The following SPTBN1 variants were observed in gnomAD, a reference collection of about 807,000 sequenced individuals.
The protein encoded by SPTBN1 is spectrin beta, non-erythrocytic 1.
A neutral mutation model predicts 266.4 loss-of-function variants in SPTBN1; 32 were observed. That is an observed-to-expected ratio of 0.12 (90% CI 0.09 to 0.16). The LOEUF is 0.16. Among genes scored for constraint, SPTBN1 ranks in the 10% least tolerant of loss-of-function variants. SPTBN1 has a pLI of 1.00. For synonymous variants in SPTBN1, 1,336 were observed against 1,162.2 expected (o/e 1.15, Z -3.04); for missense variants, 2,296 against 3,067.1 (o/e 0.75, Z 5.94).
At chr2:54,582,462 G>A (rs1401700837) in intron 2 of SPTBN1, among the ~76,000 whole-genome samples, 3 of 151,770 alleles carry the variant, frequency 2.0e-5, no homozygotes, top group Non-Finnish European at 2.9e-5. Flanking sequence ...TACTCTGGAG[G>A]CTGAGGCAGG....
At chr2:54,459,335 C>T (rs1049614564) in intron 1 of SPTBN1, among the ~76,000 whole-genome samples, 1 of 152,202 alleles carries the variant, frequency 6.6e-6, no homozygotes, top group African/African-American at 2.4e-5. Context: ...TGTTGCAGAG[C>T]AAATGAGAAG....
chr2:54,578,075 A>G (rs1476069589), intron 2 of SPTBN1, among the ~76,000 whole-genome samples: 1 of 152,224 alleles, frequency 6.6e-6, no homozygotes, highest in Non-Finnish European at 1.5e-5. Flanking sequence ...GACTCAGCTG[A>G]CAGTACAGAC....
intron 1 of SPTBN1, among the ~76,000 whole-genome samples, chr2:54,496,439 TAAAA>T (rs10623542): frequency 2.4e-5 from 3 of 126,356 alleles, no homozygotes; most frequent in African/African-American, 6.0e-5. Context: ...CTCCGTGTCT[TAAAA>T]AAAAAAAAAA....
At chr2:54,659,866 C>A in intron 31 of SPTBN1, 70 bp from the exon 32 acceptor site, 1 of 1,551,248 alleles carries the variant, frequency 6.4e-7, no homozygotes. Context: ...TGTTCTCCCA[C>A]CCTTTCTTAC....
rs972689189 is a variant in SPTBN1 at position 54,667,554 on chromosome 2, TTATTTCTCTG to T, written c.6834-47_6834-38del. ...ATGGGATATGGGAGTTGGGGGATTT[TTATTTCTCTG>T]TAATTAAGTGGTGACTAACTTTCTT... is the stretch of plus-strand genomic sequence containing the variant. On this transcript the variant is annotated intron_variant, in intron 34 of 35. Coordinates refer to ENST00000356805, the MANE Select transcript of SPTBN1 (RefSeq NM_003128.3). 1.5e-5 allele frequency: 24 copies of T among 1,582,054 alleles called. 1 individual carries two copies. In the Middle Eastern group the frequency reaches 5.0e-4, roughly 33 times the overall value.
At chr2:54,459,935 T>C (rs1014688812) in intron 1 of SPTBN1, among the ~76,000 whole-genome samples, 3 of 152,246 alleles carry the variant, frequency 2.0e-5, no homozygotes, top group Non-Finnish European at 4.4e-5. Flanking sequence ...ATTTTTATTG[T>C]GTGGGAATAA....
intron 4 of SPTBN1, 120 bp downstream of exon 4, chr2:54,612,454 C>T: frequency 8.4e-7 from 1 of 1,189,628 alleles, no homozygotes. Flanking sequence ...AAGCATGTCT[C>T]AGAGTCATGT....
chr2:54,653,833 C>G lies in SPTBN1; in HGVS notation c.5802C>G (p.Ile1934Met). The part of the protein sequence containing the change: ...MLWMEDVIRQ[I>M]EAQEKPRDVS... The stretch of plus-strand genomic sequence containing the variant: ...GGATGGAGGATGTCATCCGGCAGAT[C>G]GAGGCCCAGGAGAAGCCAAGGTAAC... Residue 1934 changes from isoleucine to methionine, a missense_variant, in exon 27 of 36, where the codon ATC (isoleucine) becomes ATG (methionine). Coordinates refer to ENST00000356805, the MANE Select transcript of SPTBN1 (RefSeq NM_003128.3). The surrounding 1 kb of genome is among the most constrained non-coding windows in gnomAD (Gnocchi z 5.1). 1.9e-6 allele frequency: 3 copies of G among 1,612,948 alleles called. No homozygotes were observed. Among genetic ancestry groups the G allele is most frequent in the Non-Finnish European group, 1.7e-6 (2 of 1,179,718 alleles).
chr2:54,627,768 C>T (rs13408295), intron 12 of SPTBN1, among the ~76,000 whole-genome samples: 29,962 of 145,800 alleles, frequency 0.21, 3,861 homozygotes, highest in African/African-American at 0.36. Flanking sequence ...CCCCCGCCCA[C>T]GCTCCCCACT....
In SPTBN1 at chr2:54,477,429, A is replaced by G. The variant is rs116124379; in HGVS notation, c.-48+20911A>G. Among the ~76,000 whole-genome samples the G allele has an allele frequency of 4.5e-3, 679 of 149,692 alleles. 6 individuals carry two copies. The highest frequency in any genetic ancestry group is 0.013 in the African/African-American group (539 of 40,578). On this transcript the variant is annotated intron_variant, in intron 1 of 35. Coordinates refer to ENST00000356805, the MANE Select transcript of SPTBN1 (RefSeq NM_003128.3). ...TTTTTTTTTTTTAATTAATTAATTC[A>G]CTTTCTATTAGAAATCATGTTAAAT...
intron 1 of SPTBN1, among the ~76,000 whole-genome samples, chr2:54,501,639 G>A (rs1395741263): frequency 6.6e-6 from 1 of 152,208 alleles, no homozygotes; most frequent in Non-Finnish European, 1.5e-5. Context: ...CCACCTCTTC[G>A]TGTTTTGGAG....
At position 54,617,608 on chromosome 2, in the gene SPTBN1, G is replaced by A. The variant is rs1390545060; in HGVS notation, c.567G>A (p.Gly189=). Residue 189 remains glycine, a splice_region_variant and synonymous_variant, in exon 6 of 36, where the codon GGG becomes GGA. Transcript: ENST00000356805. ...TTCCCTTCTGCTTTGTCCTTGGCAGGTACCCCAATGTCAACATTCACAATT... is the reference window on the plus strand; with the variant it reads ...TTCCCTTCTGCTTTGTCCTTGGCAGATACCCCAATGTCAACATTCACAATT... ...LLLWCQMKTA[G]YPNVNIHNFT... 1 of 1,614,062 alleles carries A rather than the reference G, an allele frequency of 6.2e-7. No homozygotes were observed.
At chr2:54,534,303 G>C (rs1226911783) in intron 2 of SPTBN1, among the ~76,000 whole-genome samples, 1 of 152,162 alleles carries the variant, frequency 6.6e-6, no homozygotes, top group South Asian at 2.1e-4. Flanking sequence ...GATTAACAGG[G>C]ATTTAATAGC....
At chr2:54,574,609 G>C (rs914705943) in intron 2 of SPTBN1, among the ~76,000 whole-genome samples, 4 of 152,182 alleles carry the variant, frequency 2.6e-5, no homozygotes, top group Non-Finnish European at 5.9e-5. Flanking sequence ...CTGATAAGCT[G>C]CAGCACTTGA....
chr2:54,482,119 G>A (rs899650385), intron 1 of SPTBN1, among the ~76,000 whole-genome samples: 1 of 152,124 alleles, frequency 6.6e-6, no homozygotes, highest in Non-Finnish European at 1.5e-5. Context: ...TGAAGTGCCT[G>A]GTCGGATAGG....
chr2:54,488,414 A>T (rs762841018), intron 1 of SPTBN1, among the ~76,000 whole-genome samples: 5 of 152,184 alleles, frequency 3.3e-5, no homozygotes, highest in African/African-American at 1.2e-4. Flanking sequence ...TGTCTGACTC[A>T]TACTGTAGTC....
intron 18 of SPTBN1, among the ~76,000 whole-genome samples, chr2:54,639,357 C>G (rs6748715): frequency 0.093 from 14,203 of 152,234 alleles, 878 homozygotes; most frequent in South Asian, 0.17. Flanking sequence ...CCTTGAGAAA[C>G]CATCTGTGAC....
chr2:54,546,452 T>A (rs111497807), intron 2 of SPTBN1: 2 of 152,206 alleles, frequency 1.3e-5, no homozygotes, highest in Non-Finnish European at 2.9e-5. Context: ...ACTCCTAAGT[T>A]GTGTAAATGT....
chr2:54,588,512 T>G (rs1675448588), intron 2 of SPTBN1, among the ~76,000 whole-genome samples: 2 of 152,170 alleles, frequency 1.3e-5, no homozygotes, highest in East Asian at 1.9e-4. Context: ...GGGCTCTAAT[T>G]CTGGGTGTTT....
Sources: gnomAD v4.1 joint callset for allele counts (sites outside exome capture counted in the v4.1 genomes callset) on GRCh38, gnomAD v4.1.1 for gene constraint, Gnocchi (gnomAD v3.1) non-coding constraint, MANE v1.5 for transcripts, NCBI Gene and HGNC (gene_info 2026-07-23, HGNC 2026-07-21) for gene names.